The following PSMC6 variants were observed in gnomAD, a reference collection of about 807,000 sequenced individuals.
PSMC6 encodes the protein 26S proteasome regulatory subunit 10B.
PSMC6 carries 3 observed loss-of-function variants against 55.9 expected under a neutral mutation model. That is an observed-to-expected ratio of 0.05 (90% CI 0.02 to 0.14). The LOEUF (loss-of-function observed/expected upper bound fraction) is 0.14, where lower values mean the gene tolerates loss of function less well. PSMC6 is among the 10% of genes least tolerant of loss of function. The probability of loss-of-function intolerance (pLI) is 1.00; values close to 1 mark genes in which losing one functional copy is unlikely to be tolerated. For missense variants in PSMC6, 210 were observed against 478.7 expected, an observed-to-expected ratio of 0.44 and a Z score of 5.24; for synonymous variants, 137 against 155.9, an observed-to-expected ratio of 0.88 and a Z score of 0.90.
intron 10 of PSMC6, 142 bp downstream of exon 10, chr14:52,719,180 TTCTC>T: frequency 1.2e-6 from 1 of 829,770 alleles, no homozygotes; most frequent in Non-Finnish European, 1.8e-6. Flanking sequence ...ACAAACATGT[TTCTC>T]TATCACAAAC....
At chr14:52,710,886 G>A (rs2041764565) in intron 4 of PSMC6, 1 of 554,586 alleles carries the variant, frequency 1.8e-6, no homozygotes, top group Admixed American at 3.2e-5. Context: ...TTTACACTGA[G>A]ATTACACAAA....
In PSMC6 at chr14:52,711,177, C is replaced by A; in HGVS notation, c.326+9C>A. The A allele has an allele frequency of 6.2e-7, 1 of 1,608,990 alleles. No individual in the cohort carries two copies. Among genetic ancestry groups the A allele is most frequent in the South Asian group, 1.1e-5 (1 of 90,898 alleles). The stretch of plus-strand genomic sequence containing the variant: ...ACACTAACTATCATGAGGTGGGTTT[C>A]TTATTCTATTTAGTTCACCTTTTAT... On this transcript the variant is annotated intron_variant, in intron 5 of 13. Transcript: ENST00000445930.
intron 1 of PSMC6, chr14:52,707,650 A>C: frequency 7.5e-6 from 2 of 267,516 alleles, no homozygotes; most frequent in Non-Finnish European, 1.5e-5. Flanking sequence ...AAGGCGCTTG[A>C]GTCAAGTAAG....
At chr14:52,727,018 A>ATTTTTTTTT in intron 13 of PSMC6, among the ~76,000 whole-genome samples, 1 of 102,166 alleles carries the variant, frequency 9.8e-6, no homozygotes, top group Non-Finnish European at 1.8e-5. Context: ...ACCGCTATGG[A>ATTTTTTTTT]TTTTTTTTTT....
intron 10 of PSMC6, among the ~76,000 whole-genome samples, chr14:52,720,293 A>G (rs2041875947): frequency 7.7e-6 from 1 of 129,836 alleles, no homozygotes; most frequent in African/African-American, 2.9e-5. Flanking sequence ...GGTCGAGCCC[A>G]GGAGGTGAAG....
At chr14:52,708,713 A>G in intron 3 of PSMC6, 51 bp from the exon 4 acceptor site, 4 of 1,608,506 alleles carry the variant, frequency 2.5e-6, no homozygotes, top group Non-Finnish European at 2.5e-6. Context: ...GTGGGTATGT[A>G]TTTTTTTACT....
chr14:52,708,041 A>G (rs2041723064), intron 1 of PSMC6, among the ~76,000 whole-genome samples: 1 of 152,216 alleles, frequency 6.6e-6, no homozygotes, highest in Admixed American at 6.5e-5. Context: ...CAGGGTGTCA[A>G]TATCTTCTAA....
At chr14:52,711,263 C>A in intron 5 of PSMC6, 95 bp downstream of exon 5, 2 of 1,358,478 alleles carry the variant, frequency 1.5e-6, no homozygotes, top group Non-Finnish European at 2.1e-6. Context: ...AATATTTTGG[C>A]ACTTTTTCCC....
intron 5 of PSMC6, 92 bp downstream of exon 5, chr14:52,711,260 T>C: frequency 7.2e-7 from 1 of 1,380,162 alleles, no homozygotes; most frequent in Non-Finnish European, 1.0e-6. Flanking sequence ...CTGAATATTT[T>C]GGCACTTTTT....
chr14:52,719,098 CA>C (rs1266226272), intron 10 of PSMC6, 60 bp downstream of exon 10: 3 of 1,341,486 alleles, frequency 2.2e-6, no homozygotes, highest in Non-Finnish European at 3.2e-6. Context: ...AAGAACTGAA[CA>C]TTGCATATTT....
chr14:52,725,427 CTTTT>C (rs1297128366), intron 13 of PSMC6, among the ~76,000 whole-genome samples: 1 of 152,132 alleles, frequency 6.6e-6, no homozygotes, highest in African/African-American at 2.4e-5. Flanking sequence ...GACTTGAAGG[CTTTT>C]TTGTTAACAT....
In PSMC6 at chr14:52,728,292, T is replaced by C. The variant is rs1405286687; in HGVS notation, c.*675T>C. On this transcript the variant is annotated 3_prime_UTR_variant, in exon 14 of 14. Transcript: ENST00000445930. ...TTTTAAAGAGTATGATTCAACGTAA[T>C]ATTTGCTAATATGTGACTGGGTTTT... 6.6e-6 allele frequency: 1 copy of C among 152,244 alleles called. No individual in the cohort carries two copies. The highest frequency in any genetic ancestry group is 2.4e-5 in the African/African-American group (1 of 41,460). 9.4% of individuals were successfully genotyped at this position (152,244 alleles called of 1,614,324 possible). A position where few individuals can be genotyped will look rare whatever the true frequency, so the allele number is the denominator to read the frequency against.
chr14:52,720,709 G>T, intron 10 of PSMC6, 152 bp from the exon 11 acceptor site: 2 of 613,738 alleles, frequency 3.3e-6, no homozygotes, highest in Admixed American at 6.9e-5. Context: ...TTATATAAGA[G>T]AGAGAAAAAG....
intron 13 of PSMC6, among the ~76,000 whole-genome samples, chr14:52,724,243 G>C (rs1261739635): frequency 6.6e-6 from 1 of 152,174 alleles, no homozygotes; most frequent in African/African-American, 2.4e-5. Flanking sequence ...CATTGAGGTA[G>C]GTGCTGTAGG....
At chr14:52,707,496 C>T (rs757335909) in intron 1 of PSMC6, 192 bp downstream of exon 1, 2 of 675,646 alleles carry the variant, frequency 3.0e-6, no homozygotes, top group South Asian at 2.0e-5. Context: ...ATGGCCCAGT[C>T]CAGCCCGGGT....
rs1354910340 is a variant in PSMC6, at chr14:52,713,975, ATTGAATTATTTCTAC to A, written c.529+9_529+23del. On this transcript the variant is annotated splice_region_variant and intron_variant, in intron 7 of 13. Transcript: ENST00000445930. ...TTGTTATATGGACCACCAGGTTGGT[ATTGAATTATTTCTAC>A]TCCACCAATAAGATAAATGAATTAA... 1 of 1,487,282 alleles carries A rather than the reference ATTGAATTATTTCTAC, an allele frequency of 6.7e-7. No individual in the cohort carries two copies. Among genetic ancestry groups the A allele is most frequent in the South Asian group, 1.2e-5 (1 of 83,122 alleles). 92.1% of individuals were successfully genotyped at this position (1,487,282 alleles called of 1,614,324 possible).
In PSMC6 at chr14:52,708,765, C is replaced by T. The variant is rs1022744296; in HGVS notation, c.207C>T (p.Phe69=). 9 of 1,612,134 alleles carry T rather than the reference C, an allele frequency of 5.6e-6. No individual in the cohort carries two copies. The highest frequency in any genetic ancestry group is 1.7e-5 in the Admixed American group (1 of 59,666). ...GTTCTTTTATGTTTTTTCTTCTAGTCATTGTTAAAGCTACCAATGGACCAA... is the reference window on the plus strand; with the variant it reads ...GTTCTTTTATGTTTTTTCTTCTAGTTATTGTTAAAGCTACCAATGGACCAA... ...EVLKQLTEEK[F]IVKATNGPRY... is the part of the protein sequence containing the mutation. Residue 69 remains phenylalanine, a splice_region_variant and synonymous_variant, in exon 4 of 14, where the codon TTC becomes TTT. Transcript: ENST00000445930.
chr14:52,716,962 A>G (rs2041836145), intron 7 of PSMC6, among the ~76,000 whole-genome samples: 1 of 152,238 alleles, frequency 6.6e-6, no homozygotes, highest in Non-Finnish European at 1.5e-5. Context: ...CCAAGAGTAG[A>G]ATGGTGGTTA....
chr14:52,715,580 A>G (rs891787503), intron 7 of PSMC6, among the ~76,000 whole-genome samples: 14 of 151,916 alleles, frequency 9.2e-5, no homozygotes, highest in Non-Finnish European at 2.1e-4. Flanking sequence ...TATATCTGGC[A>G]CTATGTGGTT....
Sources: allele counts gnomAD v4.1 joint callset (sites outside exome capture counted in the v4.1 genomes callset), GRCh38; gene constraint gnomAD v4.1.1; transcripts MANE v1.5; gene names NCBI Gene and HGNC (gene_info 2026-07-23, HGNC 2026-07-21).